FAM114A1: variants seen among roughly 807,000 people sequenced by gnomAD.
FAM114A1 encodes the protein family with sequence similarity 114 member A1.
Under a neutral mutation model 64.3 loss-of-function variants are expected in FAM114A1, and 62 were observed. That is an observed-to-expected ratio of 0.96 (90% confidence interval 0.79 to 1.19). The LOEUF (loss-of-function observed/expected upper bound fraction) is 1.19, where lower values mean the gene tolerates loss of function less well. FAM114A1 is among the 50% of genes most tolerant of loss of function. The probability of loss-of-function intolerance (pLI) is 0.00; values close to 1 mark genes in which losing one functional copy is unlikely to be tolerated. For synonymous variants in FAM114A1, 254 were observed against 251.1 expected (o/e 1.01, Z -0.11); for missense variants, 645 against 676.3 (o/e 0.95, Z 0.51).
intron 9 of FAM114A1, among the ~76,000 whole-genome samples, chr4:38,926,260 G>A (rs1720079807): frequency 6.6e-6 from 1 of 152,170 alleles, no homozygotes; most frequent in Non-Finnish European, 1.5e-5. Flanking sequence ...AACTCTCTGT[G>A]CTCTGCAACA....
chr4:38,924,188 TTGTAGGGGGTCATG>T (rs1268345157), intron 9 of FAM114A1, among the ~76,000 whole-genome samples: 1 of 152,140 alleles, frequency 6.6e-6, no homozygotes, highest in Non-Finnish European at 1.5e-5. Flanking sequence ...TCAAGAGCTG[TTGTAGGGGGTCATG>T]TTAGATAATA....
Position 38,878,227 on chromosome 4 carries a change from G to T in FAM114A1, c.149G>T (p.Gly50Val). 1 of 1,614,230 alleles carries T rather than the reference G, an allele frequency of 6.2e-7. No homozygotes were observed. The highest frequency in any genetic ancestry group is 1.1e-5 in the South Asian group (1 of 91,088). The change falls in exon 3 of 15, where the codon GGG becomes GTG. Residue 50 changes from glycine to valine, a missense_variant. Gly to Val is a moderately radical substitution (Grantham distance 109). Coordinates refer to ENST00000358869, the MANE Select transcript of FAM114A1 (RefSeq NM_138389.4). ...SHEPTPADPR[G>V]EGHENAAVQG... ...GAGCCAACACCAGCTGACCCCAGAG[G>T]GGAGGGGCATGAAAATGCAGCTGTG...
intron 7 of FAM114A1, 21 bp downstream of exon 7, chr4:38,908,747 A>C (rs535155082): frequency 9.2e-6 from 14 of 1,521,382 alleles, no homozygotes; most frequent in East Asian, 9.2e-5. Context: ...ATACGTTTGC[A>C]ATTTTTTCTT....
chr4:38,943,786 C>T lies in FAM114A1; in HGVS notation c.*229C>T, dbSNP rs1399314317. The T allele has an allele frequency of 5.4e-6, 2 of 373,474 alleles. No homozygotes were observed. Among genetic ancestry groups the T allele is most frequent in the Non-Finnish European group, 9.9e-6 (2 of 201,814 alleles). 23.1% of individuals were successfully genotyped at this position (373,474 alleles called of 1,614,324 possible). A position where few individuals can be genotyped will look rare whatever the true frequency, so the allele number is the denominator to read the frequency against. ...TGTGTTTTCTTTATGTTAATTTAAA[C>T]TTACACAGCTTATATTGAAAATTTC... On this transcript the variant is annotated 3_prime_UTR_variant, in exon 15 of 15. Coordinates refer to ENST00000358869, the MANE Select transcript of FAM114A1 (RefSeq NM_138389.4).
chr4:38,923,725 C>T (rs925609956), intron 9 of FAM114A1, among the ~76,000 whole-genome samples: 2 of 152,198 alleles, frequency 1.3e-5, no homozygotes, highest in Non-Finnish European at 2.9e-5. Context: ...CATTTTCTGA[C>T]AGTGCACCAG....
chr4:38,891,264 G>A (rs932548326), intron 3 of FAM114A1, among the ~76,000 whole-genome samples: 1 of 152,062 alleles, frequency 6.6e-6, no homozygotes, highest in Admixed American at 6.6e-5. Flanking sequence ...GTGTATTGAC[G>A]CTTTTTAGAC....
intron 3 of FAM114A1, among the ~76,000 whole-genome samples, chr4:38,891,397 C>G (rs542756311): frequency 6.6e-6 from 1 of 152,254 alleles, no homozygotes; most frequent in East Asian, 1.9e-4. Context: ...TCATTTTGAA[C>G]TTTTTCAAAT....
intron 3 of FAM114A1, among the ~76,000 whole-genome samples, chr4:38,880,106 AGTAGAATAGAATAGAATAG>A (rs1715083469): frequency 7.6e-6 from 1 of 132,334 alleles, no homozygotes; most frequent in African/African-American, 2.8e-5. Context: ...AATAAAATAG[AGTAGAATAGAATAGAATAG>A]AATAGAATAG....
Position 38,915,091 on chromosome 4 carries a change from G to C in FAM114A1, c.945+18G>C. 1 of 1,611,148 alleles carries C rather than the reference G, an allele frequency of 6.2e-7. No homozygotes were observed. Among genetic ancestry groups the C allele is most frequent in the Non-Finnish European group, 8.5e-7 (1 of 1,178,006 alleles). ...AAAGCAAGGTACTTCTGCACTACTC[G>C]TTTGAAATGGCATGCTTAGTCATGT... On this transcript the variant is annotated intron_variant, in intron 8 of 14. Transcript: ENST00000358869.
intron 4 of FAM114A1, among the ~76,000 whole-genome samples, chr4:38,893,422 G>T (rs377579610): frequency 6.6e-6 from 1 of 152,232 alleles, no homozygotes; most frequent in South Asian, 2.1e-4. Flanking sequence ...AACCACTCTG[G>T]TTTATAATGA....
chr4:38,898,434 T>A (rs986945988), intron 4 of FAM114A1, among the ~76,000 whole-genome samples: 1 of 152,208 alleles, frequency 6.6e-6, no homozygotes, highest in African/African-American at 2.4e-5. Flanking sequence ...AAAATGATAC[T>A]ACGATGAGAA....
chr4:38,875,809 T>C (rs1408854624), intron 2 of FAM114A1, among the ~76,000 whole-genome samples: 2 of 152,232 alleles, frequency 1.3e-5, no homozygotes. Flanking sequence ...TAAAAGGCTC[T>C]TATTACTTTG....
At chr4:38,937,633 C>A (rs868207810) in intron 13 of FAM114A1, among the ~76,000 whole-genome samples, 4 of 152,100 alleles carry the variant, frequency 2.6e-5, no homozygotes, top group Non-Finnish European at 5.9e-5. Context: ...TACCAGGAAG[C>A]AATAGAAACA....
At chr4:38,930,151 G>A (rs1720511117) in intron 10 of FAM114A1, among the ~76,000 whole-genome samples, 1 of 152,112 alleles carries the variant, frequency 6.6e-6, no homozygotes. Context: ...GACCATTCCA[G>A]CTTTAACAAT....
chr4:38,869,248 G>GT (rs1484386780), intron 2 of FAM114A1, among the ~76,000 whole-genome samples: 1 of 152,190 alleles, frequency 6.6e-6, no homozygotes, highest in Non-Finnish European at 1.5e-5. Flanking sequence ...CATAGAAGAG[G>GT]TAGCAGTTAT....
intron 9 of FAM114A1, among the ~76,000 whole-genome samples, chr4:38,927,561 G>A (rs771967600): frequency 3.4e-4 from 52 of 152,154 alleles, no homozygotes; most frequent in Non-Finnish European, 1.2e-4. Context: ...ATTTGGAGAG[G>A]ACAGGGGCAT....
At chr4:38,909,145 C>A (rs1432318959) in intron 7 of FAM114A1, among the ~76,000 whole-genome samples, 3 of 152,200 alleles carry the variant, frequency 2.0e-5, no homozygotes, top group African/African-American at 7.2e-5. Context: ...CCATTTATGT[C>A]ATGGTATGCA....
In FAM114A1 at chr4:38,943,477, A is replaced by G; in HGVS notation, c.1612A>G (p.Ile538Val). 1 of 1,614,134 alleles carries G rather than the reference A, an allele frequency of 6.2e-7. No homozygotes were observed. The highest frequency in any genetic ancestry group is 8.5e-7 in the Non-Finnish European group (1 of 1,180,000). The change falls in exon 15 of 15, where the codon ATA (isoleucine) becomes GTA (valine). Residue 538 changes from isoleucine (I) to valine (V), a missense_variant. Transcript: ENST00000358869. The part of the protein sequence containing the change: ...LLEGCNSTTY[I>V]QDAFQLLLPV... ...ACAGGGCTGCAACAGTACAACGTAC[A>G]TACAGGATGCCTTCCAGCTGCTGCT...
At chr4:38,913,902 A>G (rs578227572) in intron 7 of FAM114A1, among the ~76,000 whole-genome samples, 139 of 151,852 alleles carry the variant, frequency 9.2e-4, no homozygotes, top group African/African-American at 3.2e-3. Context: ...GTTCGAGACC[A>G]GCCTGGCCAA....
Sources: allele counts gnomAD v4.1 joint callset (sites outside exome capture counted in the v4.1 genomes callset), GRCh38; gene constraint gnomAD v4.1.1; transcripts MANE v1.5; gene names NCBI Gene and HGNC (gene_info 2026-07-23, HGNC 2026-07-21).